RAB10: variants seen among roughly 807,000 people sequenced by gnomAD.
The protein encoded by RAB10 is RAB10, member RAS oncogene family.
RAB10 carries 5 observed loss-of-function variants against 25.7 expected under a neutral mutation model. The ratio of observed to expected loss-of-function variants is 0.19; its 90% CI spans 0.10 to 0.41. The LOEUF is 0.41. Among genes scored for constraint, RAB10 ranks in the 10% least tolerant of loss-of-function variants. The probability of loss-of-function intolerance (pLI) is 1.00; values close to 1 mark genes in which losing one functional copy is unlikely to be tolerated. For missense variants in RAB10, 103 were observed against 245.8 expected, an observed-to-expected ratio of 0.42 and a Z score of 3.89; for synonymous variants, 89 against 86.4, an observed-to-expected ratio of 1.03 and a Z score of -0.16.
Position 26,124,389 on chromosome 2 carries a change from C to CT in RAB10, c.328-2727dup, listed in dbSNP as rs10669615. 1.3e-3 allele frequency among the ~76,000 whole-genome samples: 26 copies of CT among 19,674 alleles called. 4 individuals are homozygous for CT. Among genetic ancestry groups the CT allele is most frequent in the African/African-American group, 5.2e-3 (26 of 5,016 alleles). The allele number at this position is 19,674 out of a possible 152,430, so 12.9% of individuals were successfully genotyped here. ...GTTGTTTTTCTTATTGTTGTTGTTG[C>CT]TTTTTTTTTTTTTTTTTTTTTTTTT... is the stretch of plus-strand genomic sequence containing the variant. On this transcript the variant is annotated intron_variant, in intron 3 of 5. Coordinates refer to ENST00000264710, the MANE Select transcript of RAB10 (RefSeq NM_016131.5).
intron 1 of RAB10, among the ~76,000 whole-genome samples, chr2:26,068,385 ATGGT>A (rs1247504457): frequency 6.6e-6 from 1 of 152,222 alleles, no homozygotes; most frequent in Non-Finnish European, 1.5e-5. Context: ...TTTTTAAAAG[ATGGT>A]TGGCCCAGAA....
At chr2:26,038,265 C>G (rs544345407) in intron 1 of RAB10, among the ~76,000 whole-genome samples, 1 of 150,822 alleles carries the variant, frequency 6.6e-6, no homozygotes, top group South Asian at 2.1e-4. Context: ...GGCACAATCT[C>G]TGTTCACTGC....
chr2:26,069,970 G>A (rs528678632), intron 1 of RAB10, among the ~76,000 whole-genome samples: 71 of 152,310 alleles, frequency 4.7e-4, no homozygotes, highest in African/African-American at 1.6e-3. Flanking sequence ...GCTTCCCAAA[G>A]TGCTGGGATT....
rs1222480943 is a variant in RAB10, at chr2:26,069,927, G to A, written c.128-28735G>A. ...CGCCATGGTTGGCCAGGCTGCTCTC[G>A]AGCTCCTGACCTCAAGTGATCTGCC... On this transcript the variant is annotated intron_variant, in intron 1 of 5. Coordinates refer to ENST00000264710, the MANE Select transcript of RAB10 (RefSeq NM_016131.5). Among the ~76,000 whole-genome samples, 2 of 152,134 alleles carry A rather than the reference G, an allele frequency of 1.3e-5. 1 individual carries two copies. The highest frequency in any genetic ancestry group is 2.9e-5 in the Non-Finnish European group (2 of 68,016).
intron 1 of RAB10, among the ~76,000 whole-genome samples, chr2:26,035,177 G>A (rs1239498053): frequency 6.6e-6 from 1 of 152,194 alleles, no homozygotes; most frequent in Non-Finnish European, 1.5e-5. Context: ...ATAACTTAGA[G>A]TAAACTTGAG....
chr2:26,047,723 GTTTTTTTTT>G (rs34517359), intron 1 of RAB10, among the ~76,000 whole-genome samples: 1 of 107,870 alleles, frequency 9.3e-6, no homozygotes, highest in Non-Finnish European at 1.7e-5. Flanking sequence ...TGCCTGGCCT[GTTTTTTTTT>G]TTTTTTTTTG....
In RAB10 at chr2:26,135,826, A is replaced by G. The variant is rs1668100468; in HGVS notation, c.*805A>G. 1 of 152,422 alleles carries G rather than the reference A, an allele frequency of 6.6e-6. No homozygotes were observed. The highest frequency in any genetic ancestry group is 1.5e-5 in the Non-Finnish European group (1 of 68,002). The allele number at this position is 152,422 out of a possible 1,614,324, so 9.4% of individuals were successfully genotyped here. A position where few individuals can be genotyped will look rare whatever the true frequency, so the allele number is the denominator to read the frequency against. ...TTTATTTGCTTCTCCCTCCCCAACC[A>G]CCTCATGGTATATTTAAGAGTGAAA... On this transcript the variant is annotated 3_prime_UTR_variant, in exon 6 of 6. Transcript: ENST00000264710.
At position 26,136,742 on chromosome 2, in the gene RAB10, C is replaced by T. The variant is rs187986975; in HGVS notation, c.*1721C>T. The T allele has an allele frequency of 1.8e-4, 28 of 152,668 alleles. No homozygotes were observed. In the East Asian group the frequency reaches 5.4e-3, roughly 29 times the overall value. The allele number at this position is 152,668 out of a possible 1,614,324, so 9.5% of individuals were successfully genotyped here. A position where few individuals can be genotyped will look rare whatever the true frequency, so the allele number is the denominator to read the frequency against. ...TGACCTCTTGGCTCACATAAGCAAA[C>T]AACATAGGGACGTATCTGCTATGAA... On this transcript the variant is annotated 3_prime_UTR_variant, in exon 6 of 6. Transcript: ENST00000264710.
chr2:26,088,949 C>T (rs911849278), intron 1 of RAB10, among the ~76,000 whole-genome samples: 2 of 150,632 alleles, frequency 1.3e-5, no homozygotes, highest in Non-Finnish European at 3.0e-5. Flanking sequence ...TAGGTGTTTG[C>T]ATGTGGGTAT....
intron 5 of RAB10, among the ~76,000 whole-genome samples, chr2:26,132,024 C>A (rs1352871969): frequency 6.6e-6 from 1 of 152,194 alleles, no homozygotes; most frequent in Non-Finnish European, 1.5e-5. Context: ...ATTCTGAGAA[C>A]TGGCCAAAGA....
At chr2:26,131,994 CACAT>C (rs1315860824) in intron 5 of RAB10, among the ~76,000 whole-genome samples, 1 of 152,178 alleles carries the variant, frequency 6.6e-6, no homozygotes, top group Non-Finnish European at 1.5e-5. Context: ...TTTCCACACG[CACAT>C]ACATTTGAAG....
chr2:26,064,101 CT>C (rs1283319594), intron 1 of RAB10, among the ~76,000 whole-genome samples: 1 of 152,102 alleles, frequency 6.6e-6, no homozygotes, highest in East Asian at 1.9e-4. Context: ...GCTTAATGTC[CT>C]TTTGTTCTAT....
chr2:26,034,591 C>T lies in RAB10; in HGVS notation c.-18C>T, dbSNP rs748664668. On this transcript the variant is annotated 5_prime_UTR_variant, in exon 1 of 6. Transcript: ENST00000264710. ...CCCTTGGGGCCGCCGGCGGCGAGAGCCCGAGCCGCTCCTCCCAATGGCGAA... is the reference window on the plus strand; with the variant it reads ...CCCTTGGGGCCGCCGGCGGCGAGAGTCCGAGCCGCTCCTCCCAATGGCGAA... The T allele has an allele frequency of 3.1e-6, 5 of 1,612,560 alleles. No individual in the cohort carries two copies. The Admixed American group carries it at 8.3e-5, about 27-fold the overall frequency.
At chr2:26,084,995 GTC>G (rs890066492) in intron 1 of RAB10, among the ~76,000 whole-genome samples, 3 of 152,140 alleles carry the variant, frequency 2.0e-5, no homozygotes, top group South Asian at 4.1e-4. Flanking sequence ...GTTACAACTA[GTC>G]TCTTAGTTGT....
chr2:26,059,236 C>T (rs1359281274), intron 1 of RAB10, among the ~76,000 whole-genome samples: 1 of 152,176 alleles, frequency 6.6e-6, no homozygotes, highest in Non-Finnish European at 1.5e-5. Context: ...CCCCAACAAA[C>T]TTAAAGTTGG....
At chr2:26,043,104 C>T (rs552360182) in intron 1 of RAB10, among the ~76,000 whole-genome samples, 79 of 152,184 alleles carry the variant, frequency 5.2e-4, no homozygotes, top group Non-Finnish European at 2.6e-4. Context: ...GATCTCACTT[C>T]GAGTTATATC....
At chr2:26,055,001 A>T (rs962106711) in intron 1 of RAB10, among the ~76,000 whole-genome samples, 2 of 146,720 alleles carry the variant, frequency 1.4e-5, no homozygotes, top group Admixed American at 7.0e-5. Flanking sequence ...AAGATTAAAG[A>T]TCTGCATTTT....
chr2:26,125,904 A>G (rs189635274), intron 3 of RAB10, among the ~76,000 whole-genome samples: 1 of 151,782 alleles, frequency 6.6e-6, no homozygotes, highest in Non-Finnish European at 1.5e-5. Flanking sequence ...TTTTTCTTTT[A>G]TTGCCTGTGC....
chr2:26,113,057 C>T (rs1393372939), intron 3 of RAB10, among the ~76,000 whole-genome samples: 1 of 152,010 alleles, frequency 6.6e-6, no homozygotes, highest in South Asian at 2.1e-4. Flanking sequence ...TGCACTCCAT[C>T]CTGGGCAGCA....
Sources: gnomAD v4.1 joint callset for allele counts (sites outside exome capture counted in the v4.1 genomes callset) on GRCh38, gnomAD v4.1.1 for gene constraint, MANE v1.5 for transcripts, NCBI Gene and HGNC (gene_info 2026-07-23, HGNC 2026-07-21) for gene names.